PCDHA8: variants seen among roughly 807,000 people sequenced by gnomAD.
PCDHA8 encodes the protein protocadherin alpha-8.
PCDHA8 carries 53 observed loss-of-function variants against 61.8 expected under a neutral mutation model. The observed-to-expected ratio is 0.86, with a 90% CI of 0.69 to 1.08. The LOEUF (loss-of-function observed/expected upper bound fraction) is 1.08, where lower values mean the gene tolerates loss of function less well. Among genes scored for constraint, PCDHA8 ranks in the 50% least tolerant of loss-of-function variants. PCDHA8 has a pLI of 0.00. For missense variants in PCDHA8, 1,293 were observed against 1,245.0 expected, an observed-to-expected ratio of 1.04 and a Z score of -0.58; for synonymous variants, 618 against 556.6, an observed-to-expected ratio of 1.11 and a Z score of -1.55.
At chr5:140,938,278 G>A (rs1394435028) in intron 1 of PCDHA8, among the ~76,000 whole-genome samples, 1 of 152,090 alleles carries the variant, frequency 6.6e-6, no homozygotes, top group African/African-American at 2.4e-5. Context: ...TAGTTTTCTT[G>A]CTTTCTGTCA....
chr5:140,891,744 A>G (rs2063231419), intron 1 of PCDHA8, among the ~76,000 whole-genome samples: 1 of 152,070 alleles, frequency 6.6e-6, no homozygotes, highest in South Asian at 2.1e-4. Context: ...AATCCCTTAT[A>G]CAACAGTGTT....
chr5:140,966,057 G>A (rs2153745793), intron 1 of PCDHA8, among the ~76,000 whole-genome samples: 1 of 152,318 alleles, frequency 6.6e-6, no homozygotes, highest in East Asian at 1.9e-4. Flanking sequence ...TAACCCCAGA[G>A]CGCCTCCCCC....
Position 140,843,618 on chromosome 5 carries a change from A to C in PCDHA8, c.2297A>C (p.Lys766Thr). 6.3e-7 allele frequency: 1 copy of C among 1,596,148 alleles called. No homozygotes were observed. Among genetic ancestry groups the C allele is most frequent in the South Asian group, 1.1e-5 (1 of 90,508 alleles). Residue 766 changes from lysine (K) to threonine (T), a missense_variant, in exon 1 of 4, where the codon AAG (lysine) becomes ACG (threonine). Transcript: ENST00000531613. ...GTGTGCTCTGGTGAGGGGCCACCGA[A>C]GACGGACCTCATGGCCTTCAGCCCC... is the stretch of plus-strand genomic sequence containing the variant. ...QRVCSGEGPP[K>T]TDLMAFSPCL...
chr5:140,875,731 A>C, intron 1 of PCDHA8: 14 of 1,614,150 alleles, frequency 8.7e-6, no homozygotes, highest in Non-Finnish European at 1.0e-5. Context: ...TTTGTTTGTG[A>C]ATTCTCGGAT....
At position 141,009,699 on chromosome 5, in the gene PCDHA8, G is replaced by A. The variant is rs1554262287; in HGVS notation, c.2615G>A (p.Gly872Glu). Residue 872 changes from glycine to glutamate, a missense_variant, in exon 4 of 4, where the codon GGA becomes GAA. Gly to Glu is a moderately conservative substitution (Grantham distance 98, BLOSUM62 -2). Transcript: ENST00000531613. ...AGCAACAGCTGGACCTTTAAATACG[G>A]ACCAGGCAACCCCAAACAATCCGGT... Reference protein sequence around the residue: ...VNSNSWTFKYGPGNPKQSGPG... With the variant: ...VNSNSWTFKYEPGNPKQSGPG... 1 of 1,614,030 alleles carries A rather than the reference G, an allele frequency of 6.2e-7. No individual in the cohort carries two copies. The highest frequency in any genetic ancestry group is 8.5e-7 in the Non-Finnish European group (1 of 1,180,010).
intron 1 of PCDHA8, chr5:140,926,922 T>A: frequency 6.4e-7 from 1 of 1,570,576 alleles, no homozygotes; most frequent in Non-Finnish European, 8.7e-7. Flanking sequence ...CAGTTTTATG[T>A]TTGTGGGTTT....
At chr5:140,854,731 T>A (rs536045745) in intron 1 of PCDHA8, 2 of 150,048 alleles carry the variant, frequency 1.3e-5, no homozygotes, top group Admixed American at 1.3e-4. Flanking sequence ...TCAAGTTTTT[T>A]TCAGCAGCAC....
At chr5:140,938,218 T>C (rs1050033125) in intron 1 of PCDHA8, among the ~76,000 whole-genome samples, 1 of 152,210 alleles carries the variant, frequency 6.6e-6, no homozygotes, top group Admixed American at 6.5e-5. Flanking sequence ...AGTGCTGGGA[T>C]TACAGGCATA....
chr5:140,904,423 T>TTA (rs1304104435), intron 1 of PCDHA8, among the ~76,000 whole-genome samples: 1 of 151,090 alleles, frequency 6.6e-6, no homozygotes. Flanking sequence ...TACATATATT[T>TTA]TATATATATG....
rs1398153775 is a variant in PCDHA8, at chr5:140,869,752, G to T, written c.2394+26037G>T. On this transcript the variant is annotated intron_variant, in intron 1 of 3. Coordinates refer to ENST00000531613, the MANE Select transcript of PCDHA8 (RefSeq NM_018911.3). ...TAATTTGCTGCTAACAGCTACAGAC[G>T]GGGGAAAACCAGAGCTTACTGGCAC... 12 of 1,613,018 alleles carry T rather than the reference G, an allele frequency of 7.4e-6. No homozygotes were observed. The highest frequency in any genetic ancestry group is 1.0e-5 in the Non-Finnish European group (12 of 1,179,744).
chr5:140,992,382 G>A (rs1275662967), intron 3 of PCDHA8, among the ~76,000 whole-genome samples: 3 of 152,140 alleles, frequency 2.0e-5, no homozygotes, highest in Non-Finnish European at 4.4e-5. Flanking sequence ...ACATTATTGT[G>A]TTCTGGACTT....
At chr5:140,936,519 G>A (rs77875081) in intron 1 of PCDHA8, among the ~76,000 whole-genome samples, 2,263 of 152,276 alleles carry the variant, frequency 0.015, 25 homozygotes, top group Non-Finnish European at 0.022. Context: ...TAAATTACCT[G>A]AAATTGCTTT....
Position 140,857,604 on chromosome 5 carries a change from T to C in PCDHA8, c.2394+13889T>C, listed in dbSNP as rs1294714828. On this transcript the variant is annotated intron_variant, in intron 1 of 3. Transcript: ENST00000531613. ...GCGGAGAGCGGCAAGGTGTACGCGC[T>C]GCAGCCGCTGGACCACGAGGAGCTG... 5.0e-6 allele frequency: 8 copies of C among 1,596,244 alleles called. 1 individual carries two copies. Among genetic ancestry groups the C allele is most frequent in the Non-Finnish European group, 6.9e-6 (8 of 1,167,658 alleles).
chr5:140,974,544 T>C (rs1393611069), intron 1 of PCDHA8, among the ~76,000 whole-genome samples: 1 of 152,232 alleles, frequency 6.6e-6, no homozygotes, highest in Non-Finnish European at 1.5e-5. Context: ...GGAGTTTTGC[T>C]CTTGTTGCCC....
chr5:140,850,267 T>C, intron 1 of PCDHA8: 1 of 1,592,602 alleles, frequency 6.3e-7, no homozygotes, highest in Non-Finnish European at 8.6e-7. Flanking sequence ...GGCGTAGTGG[T>C]GGGGAAGGTG....
At chr5:140,926,708 C>T in intron 1 of PCDHA8, 2 of 896,260 alleles carry the variant, frequency 2.2e-6, no homozygotes, top group Non-Finnish European at 3.1e-6. Flanking sequence ...CCCAGCTGGC[C>T]AGCCCCGGCA....
intron 3 of PCDHA8, among the ~76,000 whole-genome samples, chr5:140,987,520 G>T (rs1221115195): frequency 2.0e-5 from 3 of 152,106 alleles, no homozygotes; most frequent in Non-Finnish European, 4.4e-5. Context: ...CTCAGTAATT[G>T]TATGTTCCTG....
intron 1 of PCDHA8, among the ~76,000 whole-genome samples, chr5:140,874,462 A>G (rs1471984599): frequency 7.2e-5 from 11 of 152,228 alleles, no homozygotes; most frequent in African/African-American, 2.7e-4. Flanking sequence ...CTGTAGGGGA[A>G]GATTTAGAGA....
At chr5:140,879,173 G>T (rs1010561937) in intron 1 of PCDHA8, among the ~76,000 whole-genome samples, 2 of 152,160 alleles carry the variant, frequency 1.3e-5, no homozygotes, top group South Asian at 2.1e-4. Context: ...AATAAATTAG[G>T]TATCAAGTAA....
Sources: allele counts gnomAD v4.1 joint callset (sites outside exome capture counted in the v4.1 genomes callset), GRCh38; gene constraint gnomAD v4.1.1; transcripts MANE v1.5; gene names NCBI Gene and HGNC (gene_info 2026-07-23, HGNC 2026-07-21).